Variants in OPRM1 observed in about 807,000 individuals in gnomAD.
OPRM1 encodes opioid receptor mu 1.
A neutral mutation model predicts 31.8 loss-of-function variants in OPRM1; 27 were observed. The ratio of observed to expected loss-of-function variants is 0.85; its 90% confidence interval spans 0.63 to 1.17. The LOEUF (loss-of-function observed/expected upper bound fraction) is 1.17. OPRM1 is among the 50% of genes most tolerant of loss of function. OPRM1 has a pLI of 0.00. For synonymous variants in OPRM1, 196 were observed against 189.9 expected (o/e 1.03, Z -0.26); for missense variants, 536 against 511.1 (o/e 1.05, Z -0.47).
chr6:154,198,627 T>TACACAC (rs1776815529), intron 3 of OPRM1, among the ~76,000 whole-genome samples: 1 of 73,784 alleles, frequency 1.4e-5, no homozygotes, highest in East Asian at 9.7e-4. Context: ...TTTAAAATAT[T>TACACAC]ACATACACAC....
chr6:154,080,715 G>A (rs907228935), intron 1 of OPRM1, among the ~76,000 whole-genome samples: 1 of 152,142 alleles, frequency 6.6e-6, no homozygotes, highest in East Asian at 1.9e-4. Flanking sequence ...TGACCCGTAC[G>A]TGAGTGGCTC....
At chr6:154,019,010 G>A (rs56356778) in intron 1 of OPRM1, among the ~76,000 whole-genome samples, 7,194 of 151,750 alleles carry the variant, frequency 0.047, 606 homozygotes, top group African/African-American at 0.17. Flanking sequence ...TACTTATAGG[G>A]TACATGGTAT....
chr6:154,038,968 C>T (rs988189030), upstream of OPRM1: 13 of 573,772 alleles, frequency 2.3e-5, 1 homozygote, highest in Admixed American at 4.0e-4. Context: ...TCAAAATTGG[C>T]AGTAGGGATG....
intron 3 of OPRM1, among the ~76,000 whole-genome samples, chr6:154,140,869 A>T (rs145848176): frequency 6.6e-6 from 1 of 152,328 alleles, no homozygotes; most frequent in East Asian, 1.9e-4. Context: ...AATGTGATCA[A>T]GTCCATTCAA....
chr6:154,132,686 A>G (rs1458116874), downstream of OPRM1, among the ~76,000 whole-genome samples: 2 of 152,186 alleles, frequency 1.3e-5, no homozygotes, highest in South Asian at 2.1e-4. Context: ...TACTTTTTTT[A>G]AAAATGTGTT....
chr6:154,147,663 T>C (rs932593887), intron 3 of OPRM1, among the ~76,000 whole-genome samples: 23 of 152,304 alleles, frequency 1.5e-4, no homozygotes, highest in African/African-American at 5.3e-4. Flanking sequence ...TGATTATCAA[T>C]CATCCCTGCC....
At position 154,168,162 on chromosome 6, in the gene OPRM1, T is replaced by C; in HGVS notation, c.1164+76690T>C. On this transcript the variant is annotated intron_variant, in intron 3 of 3. Transcript: ENST00000337049. This position sits in a 1 kb window ranked among gnomAD's most constrained non-coding sequence, Gnocchi z 4.1. ...CAGTAACAATAAACCCAGTGAAAAATCAAGGAGAGAACATTCAATACTGTG... is the reference window on the plus strand; with the variant it reads ...CAGTAACAATAAACCCAGTGAAAAACCAAGGAGAGAACATTCAATACTGTG... 7.1e-7 allele frequency: 1 copy of C among 1,410,224 alleles called. No homozygotes were observed. Among genetic ancestry groups the C allele is most frequent in the East Asian group, 2.3e-5 (1 of 43,176 alleles). The allele number at this position is 1,410,224 out of a possible 1,614,324, so 87.4% of individuals were successfully genotyped here.
At chr6:154,235,762 T>TGGCCA (rs1780082834) in intron 3 of OPRM1, among the ~76,000 whole-genome samples, 1 of 152,112 alleles carries the variant, frequency 6.6e-6, no homozygotes, top group Non-Finnish European at 1.5e-5. Context: ...CCCAAGAAGA[T>TGGCCA]ATGGAAATGG....
At chr6:154,237,135 C>T (rs1305064051) in intron 3 of OPRM1, among the ~76,000 whole-genome samples, 1 of 152,178 alleles carries the variant, frequency 6.6e-6, no homozygotes, top group Non-Finnish European at 1.5e-5. Context: ...AAAGAGCTTG[C>T]TCCAGACAGA....
chr6:154,128,110 A>G lies in OPRM1; in HGVS notation c.*9389A>G, dbSNP rs910163103. The stretch of plus-strand genomic sequence containing the variant: ...GATTTATAAATTCAGTATTACAAAT[A>G]GTAATCTGGCAAGTGTTCTCAGGAT... On this transcript the variant is annotated 3_prime_UTR_variant, in exon 4 of 4. Transcript: ENST00000330432. Among the ~76,000 whole-genome samples, 10 of 152,232 alleles carry G rather than the reference A, an allele frequency of 6.6e-5. No homozygotes were observed. The highest frequency in any genetic ancestry group is 5.9e-4 in the Admixed American group (9 of 15,292).
chr6:154,054,728 A>G (rs746286032), intron 1 of OPRM1, among the ~76,000 whole-genome samples: 2 of 152,248 alleles, frequency 1.3e-5, no homozygotes, highest in Non-Finnish European at 2.9e-5. Context: ...ATAGTGGAGT[A>G]GACAGAGTAG....
intron 1 of OPRM1, among the ~76,000 whole-genome samples, chr6:154,044,656 G>A (rs537279385): frequency 3.3e-5 from 5 of 151,638 alleles, no homozygotes; most frequent in East Asian, 1.9e-4. Flanking sequence ...AAAATAAATC[G>A]GTTAATAAAT....
At chr6:154,218,408 C>T (rs1032311535) in intron 3 of OPRM1, among the ~76,000 whole-genome samples, 1 of 152,228 alleles carries the variant, frequency 6.6e-6, no homozygotes, top group African/African-American at 2.4e-5. Context: ...TTCTACTAAA[C>T]TTAATTACAT....
chr6:154,224,570 T>C (rs1337630626), intron 3 of OPRM1, among the ~76,000 whole-genome samples: 1 of 151,930 alleles, frequency 6.6e-6, no homozygotes, highest in Non-Finnish European at 1.5e-5. Context: ...TATTAGCTGG[T>C]CATGGTGGTG....
At chr6:154,027,089 A>G (rs1275095312) in intron 1 of OPRM1, among the ~76,000 whole-genome samples, 1 of 152,082 alleles carries the variant, frequency 6.6e-6, no homozygotes, top group Non-Finnish European at 1.5e-5. Flanking sequence ...TTGTATTTGT[A>G]CCTGTCCATC....
At position 154,056,097 on chromosome 6, in the gene OPRM1, CTCTTTTCTTT is replaced by C. The variant is rs10633291; in HGVS notation, c.290+16280_290+16289del. Among the ~76,000 whole-genome samples, 68 of 151,458 alleles carry C rather than the reference CTCTTTTCTTT, an allele frequency of 4.5e-4. 1 individual carries two copies. The highest frequency in any genetic ancestry group is 8.5e-4 in the African/African-American group (35 of 41,330). On this transcript the variant is annotated intron_variant, in intron 1 of 3. Coordinates refer to ENST00000330432, the MANE Select transcript of OPRM1 (RefSeq NM_000914.5). Reference sequence around the variant, plus strand: ...CAGTAAAATTGGTCAAATGATGGAGCTCTTTTCTTTTCTTTTCTTTTCTTTTTTCTTTTTC... The same window carrying C: ...CAGTAAAATTGGTCAAATGATGGAGCTCTTTTCTTTTCTTTTTTCTTTTTC...
intron 1 of OPRM1, among the ~76,000 whole-genome samples, chr6:154,065,836 T>G (rs1785285873): frequency 6.6e-6 from 1 of 152,208 alleles, no homozygotes. Context: ...CAGCCATCAT[T>G]GTCTTGTTCC....
At chr6:154,235,252 C>T (rs540298029) in intron 3 of OPRM1, among the ~76,000 whole-genome samples, 11 of 152,216 alleles carry the variant, frequency 7.2e-5, no homozygotes, top group Middle Eastern at 3.4e-3. Flanking sequence ...AGTAATAGGC[C>T]GGGCATGGTG....
At chr6:154,067,868 G>C (rs1221277938) in intron 1 of OPRM1, among the ~76,000 whole-genome samples, 1 of 151,962 alleles carries the variant, frequency 6.6e-6, no homozygotes, top group Admixed American at 6.6e-5. Flanking sequence ...AACATTTATT[G>C]ACATATAATG....
Sources: allele counts gnomAD v4.1 joint callset (sites outside exome capture counted in the v4.1 genomes callset), GRCh38; gene constraint gnomAD v4.1.1; non-coding constraint Gnocchi (gnomAD v3.1); transcripts MANE v1.5; gene names NCBI Gene and HGNC (gene_info 2026-07-23, HGNC 2026-07-21).